Variants in TRPM5 observed in about 807,000 individuals in gnomAD.
TRPM5 encodes transient receptor potential cation channel subfamily M member 5.
TRPM5 carries 121 observed loss-of-function variants against 124.9 expected under a neutral mutation model. That is an observed-to-expected ratio of 0.97 (90% CI 0.84 to 1.13). TRPM5 has a LOEUF of 1.13. TRPM5 is among the 50% of genes most tolerant of loss of function. TRPM5 has a pLI of 0.00. For missense variants in TRPM5, 1,643 were observed against 1,589.1 expected (o/e 1.03, Z -0.58); for synonymous variants, 781 against 700.5 (o/e 1.11, Z -1.81).
rs369339407 is a variant in TRPM5, at chr11:2,407,204, G to A, written c.3033C>T (p.Ala1011=). 60 of 1,611,092 alleles carry A rather than the reference G, an allele frequency of 3.7e-5. No homozygotes were observed. In the East Asian group the frequency reaches 8.3e-4, roughly 22 times the overall value. ...GGTGGCTGAGCAGGATGAAGGGCGG[G>A]GCCAGGGCGGGGCGCTCGTGGTACT... Residue 1011 remains alanine, a synonymous_variant, in exon 20 of 24, where the codon GCC becomes GCT. Coordinates refer to ENST00000155858, the Ensembl canonical transcript of TRPM5.
At chr11:2,418,956 T>A (rs1420471903) in intron 4 of TRPM5, among the ~76,000 whole-genome samples, 1 of 152,168 alleles carries the variant, frequency 6.6e-6, no homozygotes, top group African/African-American at 2.4e-5. Flanking sequence ...GGAGCTCTGC[T>A]GGGTGGGCTG....
intron 15 of TRPM5, 127 bp from the exon 21 acceptor site, chr11:2,412,380 G>A (rs932388000): frequency 3.5e-6 from 2 of 566,150 alleles, no homozygotes; most frequent in Non-Finnish European, 2.9e-6. Flanking sequence ...GGCTACCAGT[G>A]GGACTAGGGG....
intron 18 of TRPM5, among the ~76,000 whole-genome samples, chr11:2,409,389 C>T (rs979872191): frequency 1.7e-4 from 26 of 152,274 alleles, no homozygotes; most frequent in East Asian, 9.7e-4. Context: ...GAATGAGACC[C>T]CCACACCCTC....
At chr11:2,405,115 G>T in intron 23 of TRPM5, 72 bp from the exon 29 acceptor site, 1 of 1,343,498 alleles carries the variant, frequency 7.4e-7, no homozygotes, top group South Asian at 1.2e-5. Context: ...GAGGTAGCTG[G>T]CTCAGAGGCA....
At chr11:2,411,431 G>A in exon 18 of TRPM5, 1 of 1,612,350 alleles carries the variant, frequency 6.2e-7, no homozygotes, top group Admixed American at 1.7e-5. Context: ...TCCACTCCAG[G>A]CGGCCGTCAT....
At chr11:2,411,432 C>T (rs772899961) in exon 18 of TRPM5, 67 of 1,612,184 alleles carry the variant, frequency 4.2e-5, no homozygotes, top group East Asian at 1.6e-4. Flanking sequence ...CCACTCCAGG[C>T]GGCCGTCATG....
At chr11:2,415,534 G>C in intron 8 of TRPM5, 63 bp from the exon 14 acceptor site, 1 of 1,183,870 alleles carries the variant, frequency 8.4e-7, no homozygotes, top group Non-Finnish European at 1.2e-6. Flanking sequence ...CAGGAGGAGG[G>C]GGTCCAAGGA....
At chr11:2,414,384 C>T (rs1229989138) in intron 11 of TRPM5, among the ~76,000 whole-genome samples, 178 bp from the exon 17 acceptor site, 2 of 152,200 alleles carry the variant, frequency 1.3e-5, no homozygotes, top group African/African-American at 4.8e-5. Context: ...CCTGAACCTC[C>T]GTCCTTCTCC....
At chr11:2,415,448 C>A in exon 9 of TRPM5, 1 of 1,580,714 alleles carries the variant, frequency 6.3e-7, no homozygotes, top group South Asian at 1.1e-5. Flanking sequence ...GGGCGTCCAC[C>A]ATCACCTCCT....
chr11:2,422,409 C>A, intron 1 of TRPM5, 88 bp from the exon 7 acceptor site: 1 of 974,510 alleles, frequency 1.0e-6, no homozygotes, highest in Non-Finnish European at 1.4e-6. Context: ...CAAGGGGGCA[C>A]TGGGGAGGTG....
At chr11:2,406,551 C>T in intron 21 of TRPM5, 110 bp downstream of exon 26, 3 of 1,412,336 alleles carry the variant, frequency 2.1e-6, no homozygotes, top group Non-Finnish European at 2.9e-6. Context: ...CCTGCCCCTA[C>T]CCCTTCAGCT....
chr11:2,409,198 C>T (rs1029141787), intron 18 of TRPM5, among the ~76,000 whole-genome samples: 1 of 152,150 alleles, frequency 6.6e-6, no homozygotes, highest in Non-Finnish European at 1.5e-5. Flanking sequence ...CCAGCCCTCC[C>T]CACGCTCCCA....
the TRPM5 span, among the ~76,000 whole-genome samples, chr11:2,429,696 TTGGTGATGGTGG>T: frequency 6.7e-6 from 1 of 150,290 alleles, no homozygotes; most frequent in Non-Finnish European, 1.5e-5. The surrounding 1 kb of genome is among the most constrained non-coding windows in gnomAD (Gnocchi z 8.4). Context: ...GGTTCAGATG[TTGGTGATGGTGG>T]TGGTGATGGC....
chr11:2,405,425 A>T, intron 23 of TRPM5, 102 bp downstream of exon 28: 1 of 1,245,362 alleles, frequency 8.0e-7, no homozygotes, highest in Non-Finnish European at 1.1e-6. Flanking sequence ...CTCCCGGGCC[A>T]GGCAGGGAAG....
intron 6 of TRPM5, 148 bp from the exon 12 acceptor site, chr11:2,417,977 G>A (rs1362894217): frequency 1.0e-6 from 1 of 1,002,652 alleles, no homozygotes; most frequent in Non-Finnish European, 1.5e-6. Flanking sequence ...CCCGGCCTGG[G>A]ACCACCCGCA....
the TRPM5 span, among the ~76,000 whole-genome samples, chr11:2,430,820 G>A: frequency 6.7e-6 from 1 of 149,666 alleles, no homozygotes; most frequent in Admixed American, 6.7e-5. Flanking sequence ...TGATGGTGAT[G>A]GTGTTGATGG....
At chr11:2,412,173 C>T in exon 16 of TRPM5, 3 of 1,613,600 alleles carry the variant, frequency 1.9e-6, no homozygotes, top group Non-Finnish European at 2.5e-6. Context: ...AGATGGCCAC[C>T]ATGTCACACT....
At chr11:2,443,943 G>C in the TRPM5 span, among the ~76,000 whole-genome samples, 41 of 150,826 alleles carry the variant, frequency 2.7e-4, no homozygotes. The surrounding 1 kb of genome is among the most constrained non-coding windows in gnomAD (Gnocchi z 5.0). Context: ...GGGAATCCAC[G>C]GGGCGCAGCG....
the TRPM5 span, among the ~76,000 whole-genome samples, chr11:2,432,384 C>T: frequency 2.0e-4 from 30 of 152,226 alleles, no homozygotes; most frequent in African/African-American, 7.0e-4. Flanking sequence ...CCAGCCCCTG[C>T]CCCCACGGGG....
Sources: allele counts gnomAD v4.1 joint callset (sites outside exome capture counted in the v4.1 genomes callset), GRCh38; gene constraint gnomAD v4.1.1; non-coding constraint Gnocchi (gnomAD v3.1); transcripts MANE v1.5; gene names NCBI Gene and HGNC (gene_info 2026-07-23, HGNC 2026-07-21).